CLYBL: variants seen among roughly 807,000 people sequenced by gnomAD.
The protein encoded by CLYBL is citramalyl-CoA lyase, mitochondrial.
In CLYBL, 31 loss-of-function variants were observed where a neutral mutation model predicts 38.9. That is an observed-to-expected ratio of 0.80 (90% CI 0.60 to 1.08). The LOEUF (loss-of-function observed/expected upper bound fraction) is 1.08. CLYBL is among the 50% of genes least tolerant of loss of function. The pLI is 0.00. For missense variants in CLYBL, 434 were observed against 411.6 expected (o/e 1.05, Z -0.47); for synonymous variants, 171 against 158.6 (o/e 1.08, Z -0.59).
At chr13:99,685,986 G>T (rs2047811846) in intron 1 of CLYBL, among the ~76,000 whole-genome samples, 1 of 152,046 alleles carries the variant, frequency 6.6e-6, no homozygotes. Flanking sequence ...GAATCTCATA[G>T]ACATTTTTCT....
intron 2 of CLYBL, among the ~76,000 whole-genome samples, chr13:99,777,698 G>A (rs2049551365): frequency 6.6e-6 from 1 of 151,788 alleles, no homozygotes; most frequent in South Asian, 2.1e-4. Flanking sequence ...TCATCATATT[G>A]GTCAGGCTGG....
At chr13:99,866,899 C>G (rs987718968) in intron 6 of CLYBL, among the ~76,000 whole-genome samples, 1 of 152,130 alleles carries the variant, frequency 6.6e-6, no homozygotes, top group East Asian at 1.9e-4. Flanking sequence ...CCCCTCCTCT[C>G]TCTCCCACCT....
Position 99,871,079 on chromosome 13 carries a change from T to C in CLYBL, c.927+17T>C. 1.2e-6 allele frequency: 2 copies of C among 1,613,186 alleles called. No individual in the cohort carries two copies. The highest frequency in any genetic ancestry group is 1.7e-6 in the Non-Finnish European group (2 of 1,179,208). On this transcript the variant is annotated intron_variant, in intron 7 of 8. Coordinates refer to ENST00000339105, the MANE Select transcript of CLYBL (RefSeq NM_206808.5). ...TTAGGAAAGGTAAATGTTTTGTTAA[T>C]GCCTTGGGTGAGAGCAGTATTGAAA...
rs565850973 is a variant in CLYBL, at chr13:99,692,402, C to T, written c.63-80422C>T. Among the ~76,000 whole-genome samples the T allele has an allele frequency of 3.3e-5, 5 of 152,140 alleles. No homozygotes were observed. The East Asian group carries it at 7.7e-4, about 24-fold the overall frequency. On this transcript the variant is annotated intron_variant, in intron 1 of 8. Transcript: ENST00000339105. The stretch of plus-strand genomic sequence containing the variant: ...CGCCTCCCGGGTTCACGCCATTCCC[C>T]GGCCTCAGCCTCCCTAGTAGCTGAG...
chr13:99,873,370 C>T (rs2051957995), intron 7 of CLYBL, among the ~76,000 whole-genome samples: 1 of 152,142 alleles, frequency 6.6e-6, no homozygotes, highest in Admixed American at 6.6e-5. Context: ...TTCCAACAAA[C>T]ATCTAGTCTG....
rs2051721213 is a variant in CLYBL at position 99,865,594 on chromosome 13, A to G, written c.635-646A>G. Among the ~76,000 whole-genome samples the G allele has an allele frequency of 6.6e-6, 1 of 152,178 alleles. No homozygotes were observed. Among genetic ancestry groups the G allele is most frequent in the South Asian group, 2.1e-4 (1 of 4,834 alleles). On this transcript the variant is annotated intron_variant, in intron 5 of 8. Transcript: ENST00000339105. This position sits in a 1 kb window ranked among gnomAD's most constrained non-coding sequence, Gnocchi z 4.7. ...CAGGGAGTGGCATGTTCCAAATGTA[A>G]ACAGGGACACTTCCCTCCCCTCAGG...
At chr13:99,812,808 T>TGGTC (rs2050368279) in intron 2 of CLYBL, among the ~76,000 whole-genome samples, 1 of 152,170 alleles carries the variant, frequency 6.6e-6, no homozygotes, top group African/African-American at 2.4e-5. Context: ...GAGTGACCAA[T>TGGTC]ACCCAGCCTC....
chr13:99,834,891 G>A (rs1330304170), intron 2 of CLYBL, among the ~76,000 whole-genome samples: 4 of 152,170 alleles, frequency 2.6e-5, no homozygotes, highest in African/African-American at 9.7e-5. Context: ...ACGGTCAAGA[G>A]GTGATGTGAT....
chr13:99,619,026 G>A (rs2046755582), intron 1 of CLYBL, among the ~76,000 whole-genome samples: 1 of 152,232 alleles, frequency 6.6e-6, no homozygotes, highest in Admixed American at 6.5e-5. Context: ...GCACAGAAAT[G>A]TGATGTTTAA....
At chr13:99,672,386 C>CT (rs990564715) in intron 1 of CLYBL, among the ~76,000 whole-genome samples, 1 of 151,916 alleles carries the variant, frequency 6.6e-6, no homozygotes, top group African/African-American at 2.4e-5. Flanking sequence ...ATCAGTTTTT[C>CT]TTTACTGGGT....
intron 1 of CLYBL, among the ~76,000 whole-genome samples, chr13:99,712,150 A>G (rs2048243873): frequency 1.3e-5 from 2 of 152,312 alleles, no homozygotes; most frequent in South Asian, 4.1e-4. Flanking sequence ...TTCTGTCTAT[A>G]GTACCATTAA....
chr13:99,625,096 C>T (rs143625999), intron 1 of CLYBL, among the ~76,000 whole-genome samples: 8 of 152,206 alleles, frequency 5.3e-5, no homozygotes, highest in East Asian at 1.9e-4. Context: ...CCTTCTCCAT[C>T]GGAGCTGGTT....
At chr13:99,871,630 T>C (rs2051901676) in intron 7 of CLYBL, among the ~76,000 whole-genome samples, 2 of 152,172 alleles carry the variant, frequency 1.3e-5, no homozygotes, top group South Asian at 4.1e-4. Context: ...AGTGCATCAT[T>C]GAGCCTCGCG....
intron 7 of CLYBL, among the ~76,000 whole-genome samples, chr13:99,882,803 A>G (rs1378278162): frequency 1.3e-5 from 2 of 152,182 alleles, no homozygotes; most frequent in African/African-American, 2.4e-5. Flanking sequence ...TACTGAGGGT[A>G]TAGTTAACTA....
chr13:99,810,450 A>AG (rs1566336323), intron 2 of CLYBL, among the ~76,000 whole-genome samples: 3 of 152,074 alleles, frequency 2.0e-5, no homozygotes, highest in Admixed American at 6.6e-5. Context: ...CTGTGGGTGG[A>AG]GGGGGAGGCA....
At chr13:99,870,905 T>G (rs1356644283) in intron 6 of CLYBL, 33 bp from the exon 7 acceptor site, 3 of 1,569,154 alleles carry the variant, frequency 1.9e-6, no homozygotes, top group Non-Finnish European at 2.6e-6. Context: ...TGTTCGTTGT[T>G]TCGTGGTTCC....
chr13:99,694,857 G>A (rs2047955816), intron 1 of CLYBL, among the ~76,000 whole-genome samples: 1 of 152,154 alleles, frequency 6.6e-6, no homozygotes, highest in African/African-American at 2.4e-5. Context: ...AAGGAAACTT[G>A]CATATCAGTT....
intron 1 of CLYBL, among the ~76,000 whole-genome samples, chr13:99,750,657 G>A (rs1362102660): frequency 5.5e-5 from 8 of 146,196 alleles, no homozygotes; most frequent in Non-Finnish European, 4.5e-5. Flanking sequence ...CTGGGTGAAA[G>A]AAGGAGACTC....
intron 1 of CLYBL, chr13:99,727,557 CT>C (rs1327473260): frequency 6.6e-6 from 1 of 151,348 alleles, no homozygotes; most frequent in African/African-American, 2.4e-5. Flanking sequence ...AACAAACCTC[CT>C]TCAGGTCAGA....
Sources: gnomAD v4.1 joint callset for allele counts (sites outside exome capture counted in the v4.1 genomes callset) on GRCh38, gnomAD v4.1.1 for gene constraint, Gnocchi (gnomAD v3.1) non-coding constraint, MANE v1.5 for transcripts, NCBI Gene and HGNC (gene_info 2026-07-23, HGNC 2026-07-21) for gene names.